The following RPRD2 variants were observed in gnomAD, a reference collection of about 807,000 sequenced individuals.
RPRD2 encodes regulation of nuclear pre-mRNA domain-containing protein 2.
Under a neutral mutation model 104.4 loss-of-function variants are expected in RPRD2, and 12 were observed. The ratio of observed to expected loss-of-function variants is 0.11; its 90% CI spans 0.07 to 0.19. The LOEUF is 0.19. RPRD2 is among the 10% of genes least tolerant of loss of function. The pLI is 1.00. For synonymous variants in RPRD2, 714 were observed against 684.9 expected (o/e 1.04, Z -0.66); for missense variants, 1,543 against 1,790.1 (o/e 0.86, Z 2.49).
intron 2 of RPRD2, among the ~76,000 whole-genome samples, chr1:150,420,149 T>C (rs1664659553): frequency 6.6e-6 from 1 of 152,238 alleles, no homozygotes; most frequent in Non-Finnish European, 1.5e-5. Context: ...CCAGAGTTTC[T>C]GCTATAAATA....
chr1:150,409,360 G>A (rs1307789861), intron 1 of RPRD2, among the ~76,000 whole-genome samples: 1 of 151,992 alleles, frequency 6.6e-6, no homozygotes, highest in Non-Finnish European at 1.5e-5. Flanking sequence ...ACTGAATAGA[G>A]GACTACTCTA....
At chr1:150,374,771 A>C (rs1660576239) in intron 1 of RPRD2, among the ~76,000 whole-genome samples, 1 of 152,210 alleles carries the variant, frequency 6.6e-6, no homozygotes, top group Admixed American at 6.5e-5. Context: ...CTGTTGGGGC[A>C]TTCTAGTATT....
chr1:150,369,439 T>C (rs1660103396), intron 1 of RPRD2, among the ~76,000 whole-genome samples: 1 of 125,402 alleles, frequency 8.0e-6, no homozygotes, highest in African/African-American at 3.1e-5. Flanking sequence ...CACACCTGGC[T>C]AATTTTTTTT....
At chr1:150,432,533 A>G (rs1237537183) in intron 2 of RPRD2, among the ~76,000 whole-genome samples, 1 of 151,982 alleles carries the variant, frequency 6.6e-6, no homozygotes, top group Non-Finnish European at 1.5e-5. Context: ...GAATTGCACA[A>G]CATTGTGAAT....
intron 2 of RPRD2, among the ~76,000 whole-genome samples, chr1:150,419,813 G>A (rs1664633212): frequency 6.6e-6 from 1 of 152,142 alleles, no homozygotes; most frequent in Non-Finnish European, 1.5e-5. Flanking sequence ...ATTTTTAGTA[G>A]AGACGGGTTT....
intron 2 of RPRD2, among the ~76,000 whole-genome samples, chr1:150,427,130 G>A (rs1329423661): frequency 6.6e-6 from 1 of 151,570 alleles, no homozygotes. Flanking sequence ...GGGTGATACA[G>A]TGAGACTGAG....
At chr1:150,426,120 A>C (rs1553890505) in intron 2 of RPRD2, among the ~76,000 whole-genome samples, 7 of 152,086 alleles carry the variant, frequency 4.6e-5, no homozygotes, top group East Asian at 1.9e-4. Flanking sequence ...AACAAACAAA[A>C]AAAGGGATGC....
intron 1 of RPRD2, among the ~76,000 whole-genome samples, chr1:150,365,561 G>A (rs1484227753): frequency 6.6e-6 from 1 of 152,128 alleles, no homozygotes; most frequent in Non-Finnish European, 1.5e-5. Flanking sequence ...CAGTATCATC[G>A]TTAATACCTT....
At chr1:150,417,133 A>T (rs1664405117) in intron 1 of RPRD2, among the ~76,000 whole-genome samples, 1 of 151,896 alleles carries the variant, frequency 6.6e-6, no homozygotes, top group Non-Finnish European at 1.5e-5. Flanking sequence ...CTTTCTACTA[A>T]CCTTGGTATT....
At chr1:150,402,504 C>T (rs1191597648) in intron 1 of RPRD2, among the ~76,000 whole-genome samples, 1 of 151,680 alleles carries the variant, frequency 6.6e-6, no homozygotes, top group Admixed American at 6.6e-5. Flanking sequence ...ATAGTGAGAC[C>T]TTCTCTCTAC....
At chr1:150,439,627 C>CTTTTTTTTTTTTTTTTTTTTTT (rs66814229) in intron 2 of RPRD2, among the ~76,000 whole-genome samples, 1 of 142,292 alleles carries the variant, frequency 7.0e-6, no homozygotes, top group Non-Finnish European at 1.5e-5. Flanking sequence ...TTTGACATAG[C>CTTTTTTTTTTTTTTTTTTTTTT]TTTTTTTTTT....
intron 1 of RPRD2, among the ~76,000 whole-genome samples, chr1:150,401,093 G>A (rs1662960455): frequency 6.6e-6 from 1 of 152,054 alleles, no homozygotes; most frequent in African/African-American, 2.4e-5. Context: ...GGAGAATGGT[G>A]TGAACCCGGG....
intron 8 of RPRD2, among the ~76,000 whole-genome samples, chr1:150,459,715 CTG>C (rs1282882653): frequency 1.3e-5 from 2 of 151,732 alleles, no homozygotes; most frequent in Non-Finnish European, 2.9e-5. Context: ...GTCTCAGCCT[CTG>C]TAGTAGCTGG....
chr1:150,435,671 T>C (rs898732134), intron 2 of RPRD2, among the ~76,000 whole-genome samples: 5 of 152,136 alleles, frequency 3.3e-5, no homozygotes, highest in East Asian at 1.9e-4. Context: ...GCTGTGGAAA[T>C]AGGTTCATGA....
chr1:150,417,735 T>A lies in RPRD2; in HGVS notation c.335+10T>A. ...CAGCTGCTCTAGTGAAGTAAGTAAA[T>A]CTTTATTGCTCTATGGGATCTAAAC... On this transcript the variant is annotated intron_variant, in intron 2 of 10. Coordinates refer to ENST00000369068, the MANE Select transcript of RPRD2 (RefSeq NM_015203.5). 1.3e-6 allele frequency: 2 copies of A among 1,581,066 alleles called. No individual in the cohort carries two copies. The highest frequency in any genetic ancestry group is 1.7e-6 in the Non-Finnish European group (2 of 1,158,890).
In RPRD2 at chr1:150,446,211, C is replaced by G. The variant is rs782611020; in HGVS notation, c.695-15C>G. On this transcript the variant is annotated splice_polypyrimidine_tract_variant and intron_variant, in intron 6 of 10. Coordinates refer to ENST00000369068, the MANE Select transcript of RPRD2 (RefSeq NM_015203.5). ...TTATTTTATCCTGAAATGAATATTT[C>G]CCATGTCATTTTAGATAAAACAGGT... is the stretch of plus-strand genomic sequence containing the variant. 1 of 1,510,900 alleles carries G rather than the reference C, an allele frequency of 6.6e-7. No individual in the cohort carries two copies. 93.6% of individuals were successfully genotyped at this position (1,510,900 alleles called of 1,614,324 possible).
intron 2 of RPRD2, among the ~76,000 whole-genome samples, chr1:150,427,116 G>A (rs944055565): frequency 6.6e-6 from 1 of 151,738 alleles, no homozygotes; most frequent in African/African-American, 2.4e-5. Flanking sequence ...CTGCACTCCA[G>A]CTTGGGTGAT....
intron 1 of RPRD2, among the ~76,000 whole-genome samples, chr1:150,377,802 C>A (rs920647269): frequency 6.6e-6 from 1 of 151,620 alleles, no homozygotes; most frequent in African/African-American, 2.4e-5. Context: ...GTCAGCTCTG[C>A]AAAATATGAA....
intron 1 of RPRD2, among the ~76,000 whole-genome samples, chr1:150,379,162 A>G (rs1553880222): frequency 6.6e-6 from 1 of 151,144 alleles, no homozygotes; most frequent in Non-Finnish European, 1.5e-5. Context: ...GTGCGCCTGT[A>G]ATCCCAGCTA....
Sources: gnomAD v4.1 joint callset for allele counts (sites outside exome capture counted in the v4.1 genomes callset) on GRCh38, gnomAD v4.1.1 for gene constraint, MANE v1.5 for transcripts, NCBI Gene and HGNC (gene_info 2026-07-23, HGNC 2026-07-21) for gene names.